The following OTUB2 variants were observed in gnomAD, a reference collection of about 807,000 sequenced individuals.
OTUB2 encodes the protein ubiquitin thioesterase OTUB2.
Under a neutral mutation model 25.1 loss-of-function variants are expected in OTUB2, and 21 were observed. The observed-to-expected ratio is 0.84, with a 90% CI of 0.59 to 1.21. OTUB2 has a LOEUF of 1.21. Among genes scored for constraint, OTUB2 ranks in the 50% most tolerant of loss-of-function variants. The pLI is 0.00. For missense variants in OTUB2, 283 were observed against 298.0 expected (o/e 0.95, Z 0.37); for synonymous variants, 122 against 122.8 (o/e 0.99, Z 0.04).
chr14:94,037,331 C>A (rs1208100808), intron 1 of OTUB2, 49 bp from the exon 2 acceptor site: 5 of 1,396,560 alleles, frequency 3.6e-6, no homozygotes, highest in Non-Finnish European at 5.0e-6. Context: ...GGAGTCCCGT[C>A]CGTTGCTTTT....
chr14:94,027,077 G>C (rs1213460349), intron 1 of OTUB2, among the ~76,000 whole-genome samples: 1 of 152,246 alleles, frequency 6.6e-6, no homozygotes, highest in Non-Finnish European at 1.5e-5. Context: ...CACCTAGAGA[G>C]GATGCCTCAA....
At chr14:94,039,969 A>C (rs1885128930) in intron 3 of OTUB2, among the ~76,000 whole-genome samples, 1 of 152,096 alleles carries the variant, frequency 6.6e-6, no homozygotes, top group South Asian at 2.1e-4. Flanking sequence ...GGGCCAGATC[A>C]TGCTCACGGT....
intron 1 of OTUB2, among the ~76,000 whole-genome samples, chr14:94,031,726 T>G (rs1884966622): frequency 6.6e-6 from 1 of 152,204 alleles, no homozygotes; most frequent in African/African-American, 2.4e-5. Context: ...AAGCAGTGAT[T>G]GAAGAACATC....
chr14:94,040,801 G>A (rs755845141), intron 3 of OTUB2, among the ~76,000 whole-genome samples: 11 of 152,186 alleles, frequency 7.2e-5, no homozygotes, highest in Non-Finnish European at 1.3e-4. Flanking sequence ...TTGAGGTGTC[G>A]GATGGTGATA....
intron 4 of OTUB2, 107 bp downstream of exon 4, chr14:94,044,162 A>G (rs1367033217): frequency 1.7e-6 from 2 of 1,174,684 alleles, no homozygotes; most frequent in East Asian, 2.3e-5. Context: ...CTGGGGAAGG[A>G]CAGAGGGTTC....
intron 3 of OTUB2, among the ~76,000 whole-genome samples, chr14:94,041,657 A>G (rs1482678648): frequency 6.6e-6 from 1 of 152,088 alleles, no homozygotes; most frequent in Non-Finnish European, 1.5e-5. Context: ...CGCCCTCCAC[A>G]CCAGGCCCCT....
chr14:94,045,617 A>C, intron 5 of OTUB2, 99 bp from the exon 6 acceptor site: 1 of 1,184,548 alleles, frequency 8.4e-7, no homozygotes, highest in Non-Finnish European at 1.2e-6. Flanking sequence ...GTCCCAGCAC[A>C]GAGGCTGTGA....
chr14:94,044,342 T>C (rs912301869), intron 4 of OTUB2, among the ~76,000 whole-genome samples: 2 of 152,202 alleles, frequency 1.3e-5, no homozygotes, highest in Admixed American at 6.5e-5. Context: ...CAGGTAGTCA[T>C]GGTGGGGAGA....
In OTUB2 at chr14:94,037,372, T is replaced by C. The variant is rs1243532546; in HGVS notation, c.4-8T>C. 5 of 1,559,180 alleles carry C rather than the reference T, an allele frequency of 3.2e-6. No homozygotes were observed. The East Asian group carries it at 6.8e-5, about 21-fold the overall frequency. The stretch of plus-strand genomic sequence containing the variant: ...TGTCACAGCATTTCTTCCTTCCCTA[T>C]CTTTCAGAGTGAAACATCTTTCAAC... On this transcript the variant is annotated splice_region_variant and splice_polypyrimidine_tract_variant and intron_variant, in intron 1 of 5. Transcript: ENST00000203664.
Position 94,048,590 on chromosome 14 carries a change from A to AT in OTUB2, c.*2668_*2669insT, listed in dbSNP as rs1885325151. ...AAAACAGAATGAGATTCCTTGTGTG[A>AT]AAATAGCTATTATACCTGACACACT... On this transcript the variant is annotated 3_prime_UTR_variant, in exon 6 of 6. Transcript: ENST00000203664. 1 of 152,246 alleles carries AT rather than the reference A, an allele frequency of 6.6e-6. No homozygotes were observed. Among genetic ancestry groups the AT allele is most frequent in the Non-Finnish European group, 1.5e-5 (1 of 68,052 alleles). 9.4% of individuals were successfully genotyped at this position (152,246 alleles called of 1,614,324 possible). A position where few individuals can be genotyped will look rare whatever the true frequency, so the allele number is the denominator to read the frequency against.
chr14:94,044,972 C>T (rs1885242224), intron 5 of OTUB2, among the ~76,000 whole-genome samples, 192 bp downstream of exon 5: 5 of 152,224 alleles, frequency 3.3e-5, no homozygotes, highest in Admixed American at 3.3e-4. Context: ...AGGCAAGTCA[C>T]TTCCCCTCTC....
intron 1 of OTUB2, among the ~76,000 whole-genome samples, chr14:94,028,599 A>G (rs930679415): frequency 6.6e-6 from 1 of 152,186 alleles, no homozygotes; most frequent in Non-Finnish European, 1.5e-5. Flanking sequence ...GCAGGGTCCT[A>G]TTGTGCTTTG....
intron 1 of OTUB2, among the ~76,000 whole-genome samples, chr14:94,030,830 C>T (rs910545032): frequency 1.4e-5 from 2 of 146,976 alleles, no homozygotes; most frequent in African/African-American, 5.3e-5. Flanking sequence ...GGGTGGGGGC[C>T]GGTGTGTAAG....
chr14:94,033,152 C>T (rs151167444), intron 1 of OTUB2, among the ~76,000 whole-genome samples: 2,278 of 152,120 alleles, frequency 0.015, 55 homozygotes, highest in African/African-American at 0.051. Flanking sequence ...CCTCGTGATC[C>T]GCCCGCCTCA....
In OTUB2 at chr14:94,046,227, G is replaced by C; in HGVS notation, c.*305G>C. ...TGGACTTGTTTCTTCAACTGGAGGA[G>C]GTCCCTGCCTATGCTGACATTCCAT... On this transcript the variant is annotated 3_prime_UTR_variant, in exon 6 of 6. Transcript: ENST00000203664. The C allele has an allele frequency of 2.1e-6, 1 of 485,802 alleles. No homozygotes were observed. The highest frequency in any genetic ancestry group is 1.9e-5 in the African/African-American group (1 of 52,008). The allele number at this position is 485,802 out of a possible 1,614,324, so 30.1% of individuals were successfully genotyped here.
intron 4 of OTUB2, 64 bp downstream of exon 4, chr14:94,044,119 C>T: frequency 1.4e-6 from 2 of 1,454,718 alleles, no homozygotes; most frequent in Non-Finnish European, 1.9e-6. Context: ...CTGGCTGGAG[C>T]CCCTACACAG....
chr14:94,038,385 G>T (rs920714761), intron 2 of OTUB2, among the ~76,000 whole-genome samples: 1 of 152,184 alleles, frequency 6.6e-6, no homozygotes, highest in Non-Finnish European at 1.5e-5. Context: ...GCCCAAGTCG[G>T]CTCTGAGCCT....
rs74404892 is a variant in OTUB2, at chr14:94,047,261, G to C, written c.*1339G>C. On this transcript the variant is annotated 3_prime_UTR_variant, in exon 6 of 6. Coordinates refer to ENST00000203664, the MANE Select transcript of OTUB2 (RefSeq NM_023112.4). ...TTTACTGGAATCTATTGGTGCTGCTGCATGAGTCTGCTGACAACCTGACTG... is the reference window on the plus strand; with the variant it reads ...TTTACTGGAATCTATTGGTGCTGCTCCATGAGTCTGCTGACAACCTGACTG... 6.6e-6 allele frequency: 1 copy of C among 152,178 alleles called. No homozygotes were observed. Among genetic ancestry groups the C allele is most frequent in the South Asian group, 2.1e-4 (1 of 4,832 alleles). The allele number at this position is 152,178 out of a possible 1,614,324, so 9.4% of individuals were successfully genotyped here. A position where few individuals can be genotyped will look rare whatever the true frequency, so the allele number is the denominator to read the frequency against.
Position 94,048,675 on chromosome 14 carries a change from G to C in OTUB2, c.*2753G>C, listed in dbSNP as rs1205663328. ...CCTGTCCTTCCTGACAGGAAGCATAGGGCACTGCAGATGGGGAAGCATGTC... is the reference window on the plus strand; with the variant it reads ...CCTGTCCTTCCTGACAGGAAGCATACGGCACTGCAGATGGGGAAGCATGTC... On this transcript the variant is annotated 3_prime_UTR_variant, in exon 6 of 6. Transcript: ENST00000203664. 1 of 152,248 alleles carries C rather than the reference G, an allele frequency of 6.6e-6. No individual in the cohort carries two copies. The highest frequency in any genetic ancestry group is 1.5e-5 in the Non-Finnish European group (1 of 68,056). The allele number at this position is 152,248 out of a possible 1,614,324, so 9.4% of individuals were successfully genotyped here.
Sources: allele counts gnomAD v4.1 joint callset (sites outside exome capture counted in the v4.1 genomes callset), GRCh38; gene constraint gnomAD v4.1.1; transcripts MANE v1.5; gene names NCBI Gene and HGNC (gene_info 2026-07-23, HGNC 2026-07-21).